PLAAT2: variants seen among roughly 807,000 people sequenced by gnomAD.
The protein encoded by PLAAT2 is HRAS like suppressor 2.
In PLAAT2, 12 loss-of-function variants were observed where a neutral mutation model predicts 12.8. That is an observed-to-expected ratio of 0.94 (90% CI 0.60 to 1.52). PLAAT2 has a LOEUF of 1.52. Among genes scored for constraint, PLAAT2 ranks in the 40% most tolerant of loss-of-function variants. PLAAT2 has a pLI of 0.00. For synonymous variants in PLAAT2, 79 were observed against 86.8 expected (o/e 0.91, Z 0.50); for missense variants, 166 against 208.1 (o/e 0.80, Z 1.24).
intron 2 of PLAAT2, 38 bp from the exon 3 acceptor site, chr11:63,558,698 G>T: frequency 6.2e-7 from 1 of 1,606,644 alleles, no homozygotes; most frequent in Admixed American, 1.7e-5. Flanking sequence ...GCAGGGCCTG[G>T]GGGGCTCAGA....
chr11:63,552,924 C>A lies in PLAAT2; in HGVS notation c.*40G>T. ...CACTCCTGCTGGCTAAATAATATTC[C>A]TCCGTAAGAATTGGTGGTTGTTGGG... On this transcript the variant is annotated 3_prime_UTR_variant, in exon 4 of 4. Transcript: ENST00000255695. 2 of 1,335,182 alleles carry A rather than the reference C, an allele frequency of 1.5e-6. No individual in the cohort carries two copies. The highest frequency in any genetic ancestry group is 2.4e-5 in the South Asian group (2 of 84,860). 82.7% of individuals were successfully genotyped at this position (1,335,182 alleles called of 1,614,324 possible).
upstream of PLAAT2, among the ~76,000 whole-genome samples, chr11:63,564,996 C>G (rs1341536363): frequency 6.6e-6 from 1 of 152,104 alleles, no homozygotes; most frequent in Non-Finnish European, 1.5e-5. Flanking sequence ...CGAATCCAAG[C>G]TGTTCAGAGT....
chr11:63,562,347 C>T (rs1171986828), intron 1 of PLAAT2, among the ~76,000 whole-genome samples: 4 of 152,134 alleles, frequency 2.6e-5, no homozygotes, highest in African/African-American at 7.2e-5. Flanking sequence ...CTCCCCAGCT[C>T]AAGTGATCCT....
At chr11:63,555,373 A>C (rs1041216976) in intron 3 of PLAAT2, among the ~76,000 whole-genome samples, 1 of 152,248 alleles carries the variant, frequency 6.6e-6, no homozygotes, top group Non-Finnish European at 1.5e-5. Flanking sequence ...TTTAAAATAC[A>C]GTATAACTAC....
At chr11:63,557,320 G>A (rs2017475130) in intron 3 of PLAAT2, among the ~76,000 whole-genome samples, 2 of 152,248 alleles carry the variant, frequency 1.3e-5, no homozygotes, top group South Asian at 4.1e-4. Flanking sequence ...GAGCCCAGGA[G>A]TTCAAGACCA....
chr11:63,559,102 C>A (rs183166659), intron 2 of PLAAT2, among the ~76,000 whole-genome samples: 164 of 152,264 alleles, frequency 1.1e-3, no homozygotes, highest in African/African-American at 3.7e-3. Context: ...GAGTTGGAGA[C>A]CAGCTTGCAC....
intron 1 of PLAAT2, among the ~76,000 whole-genome samples, chr11:63,560,581 C>T (rs894250361): frequency 6.6e-6 from 1 of 152,212 alleles, no homozygotes; most frequent in Non-Finnish European, 1.5e-5. Flanking sequence ...GGGCCACCTG[C>T]CATGAGCCTG....
chr11:63,559,749 G>A (rs533578888), intron 2 of PLAAT2, among the ~76,000 whole-genome samples: 22 of 150,912 alleles, frequency 1.5e-4, no homozygotes, highest in Non-Finnish European at 2.2e-4. Context: ...TCAGTTGTAC[G>A]CTATCTGAAG....
upstream of PLAAT2, among the ~76,000 whole-genome samples, chr11:63,564,254 C>G (rs964140407): frequency 6.6e-6 from 1 of 152,118 alleles, no homozygotes; most frequent in African/African-American, 2.4e-5. Flanking sequence ...AAACCCAGTA[C>G]TGGGTGTGTA....
In PLAAT2 at chr11:63,553,049, G is replaced by A. The variant is rs76877914; in HGVS notation, c.404C>T (p.Thr135Met). 81 of 1,613,046 alleles carry A rather than the reference G, an allele frequency of 5.0e-5. No homozygotes were observed. Among genetic ancestry groups the A allele is most frequent in the Admixed American group, 1.0e-4 (6 of 60,000 alleles). The part of the protein sequence containing the change: ...SRSDQVTGAV[T>M]TVGVAAGLLA... ...CAGGCCTGCTGCCACACCTACTGTCGTGACTGCACCAGTGACCTGCAGCAG... is the reference window on the plus strand; with the variant it reads ...CAGGCCTGCTGCCACACCTACTGTCATGACTGCACCAGTGACCTGCAGCAG... The change falls in exon 4 of 4, where the codon ACG becomes ATG. Residue 135 changes from threonine to methionine, a missense_variant. Thr to Met is a moderately conservative substitution (Grantham distance 81). Coordinates refer to ENST00000255695, the MANE Select transcript of PLAAT2 (RefSeq NM_017878.2).
At chr11:63,561,145 T>C (rs2017514543) in intron 1 of PLAAT2, among the ~76,000 whole-genome samples, 1 of 152,190 alleles carries the variant, frequency 6.6e-6, no homozygotes, top group African/African-American at 2.4e-5. Context: ...GGAGCTATAG[T>C]TAAAAGTAAA....
chr11:63,564,777 C>T (rs1447225003), upstream of PLAAT2, among the ~76,000 whole-genome samples: 1 of 152,146 alleles, frequency 6.6e-6, no homozygotes. Flanking sequence ...TTTTTAGGGG[C>T]TGACCTCCAG....
chr11:63,557,748 G>A (rs534828845), intron 3 of PLAAT2, among the ~76,000 whole-genome samples: 3 of 152,248 alleles, frequency 2.0e-5, no homozygotes, highest in South Asian at 2.1e-4. Context: ...CCATAAAATC[G>A]AAGACATTTA....
intron 3 of PLAAT2, among the ~76,000 whole-genome samples, chr11:63,554,297 A>G (rs1219447569): frequency 1.3e-5 from 2 of 152,032 alleles, no homozygotes; most frequent in Non-Finnish European, 2.9e-5. Flanking sequence ...TCTAATTCCT[A>G]CTTTCCAGAG....
chr11:63,556,539 G>A (rs765454613), intron 3 of PLAAT2, among the ~76,000 whole-genome samples: 9 of 152,078 alleles, frequency 5.9e-5, no homozygotes, highest in Non-Finnish European at 1.2e-4. Flanking sequence ...ACAGAGGGGA[G>A]ACCCTGTCAG....
In PLAAT2 at chr11:63,560,165, A is replaced by C; in HGVS notation, c.38T>G (p.Leu13Arg). The change falls in exon 2 of 4, where the codon CTG becomes CGG. Residue 13 changes from leucine (L) to arginine (R), a missense_variant. Transcript: ENST00000255695. Reference protein sequence around the residue: ...LARPRPRLGDLIEISRFGYAH... With the variant: ...LARPRPRLGDRIEISRFGYAH... ...ATAGCCAAAGCGAGAAATCTCAATC[A>C]GGTCTCCAAGTCTCGGTCTTGGTCT... The C allele has an allele frequency of 6.2e-7, 1 of 1,613,664 alleles. No individual in the cohort carries two copies. The highest frequency in any genetic ancestry group is 8.5e-7 in the Non-Finnish European group (1 of 1,179,760).
intron 3 of PLAAT2, among the ~76,000 whole-genome samples, chr11:63,556,486 G>A (rs560934126): frequency 2.6e-5 from 4 of 151,822 alleles, no homozygotes; most frequent in African/African-American, 9.7e-5. Flanking sequence ...ATCCCCTTCC[G>A]ACACCCCTCC....
chr11:63,558,080 C>G (rs1399888424), intron 3 of PLAAT2, among the ~76,000 whole-genome samples: 1 of 152,186 alleles, frequency 6.6e-6, no homozygotes, highest in African/African-American at 2.4e-5. Context: ...GCACGGTGAG[C>G]CTCAGTTTCC....
chr11:63,552,919 T>C lies in PLAAT2; in HGVS notation c.*45A>G, dbSNP rs962635565. The C allele has an allele frequency of 3.1e-6, 4 of 1,299,112 alleles. No individual in the cohort carries two copies. In the African/African-American group the frequency reaches 5.8e-5, roughly 19 times the overall value. 80.5% of individuals were successfully genotyped at this position (1,299,112 alleles called of 1,614,324 possible). A position where few individuals can be genotyped will look rare whatever the true frequency, so the allele number is the denominator to read the frequency against. ...AACTCCACTCCTGCTGGCTAAATAA[T>C]ATTCCTCCGTAAGAATTGGTGGTTG... On this transcript the variant is annotated 3_prime_UTR_variant, in exon 4 of 4. Transcript: ENST00000255695.
Sources: allele counts gnomAD v4.1 joint callset (sites outside exome capture counted in the v4.1 genomes callset), GRCh38; gene constraint gnomAD v4.1.1; transcripts MANE v1.5; gene names NCBI Gene and HGNC (gene_info 2026-07-23, HGNC 2026-07-21).